Variants in CDH18 observed in about 807,000 individuals in gnomAD.
CDH18 encodes cadherin 18.
CDH18 carries 31 observed loss-of-function variants against 67.9 expected under a neutral mutation model. That is an observed-to-expected ratio of 0.46 (90% CI 0.34 to 0.62). The LOEUF is 0.62. Among genes scored for constraint, CDH18 ranks in the 20% least tolerant of loss-of-function variants. The pLI is 0.01. For missense variants in CDH18, 890 were observed against 975.5 expected (o/e 0.91, Z 1.17); for synonymous variants, 362 against 347.2 (o/e 1.04, Z -0.48).
chr5:20,236,114 G>T (rs1359082154), intron 2 of CDH18, among the ~76,000 whole-genome samples: 1 of 151,960 alleles, frequency 6.6e-6, no homozygotes, highest in African/African-American at 2.4e-5. Context: ...AAATCTACCT[G>T]TTGGGTACTA....
At position 19,550,665 on chromosome 5, in the gene CDH18, C is replaced by G. The variant is rs533007585; in HGVS notation, c.1254-6660G>C. ...CATTTTCTTAATCCAGTCTATCATT[C>G]TTGGACATTTGGGTTGGTTCCAAGT... On this transcript the variant is annotated intron_variant, in intron 8 of 12. Transcript: ENST00000382275. Among the ~76,000 whole-genome samples the G allele has an allele frequency of 2.8e-3, 432 of 152,122 alleles. 3 individuals carry two copies. Among genetic ancestry groups the G allele is most frequent in the African/African-American group, 8.9e-3 (370 of 41,522 alleles).
chr5:19,883,059 A>C (rs1787826419), intron 2 of CDH18, among the ~76,000 whole-genome samples: 1 of 152,180 alleles, frequency 6.6e-6, no homozygotes, highest in African/African-American at 2.4e-5. Flanking sequence ...CTGAAACAGA[A>C]GAAATAATCT....
At chr5:19,776,151 C>A (rs1406110065) in intron 3 of CDH18, among the ~76,000 whole-genome samples, 1 of 151,898 alleles carries the variant, frequency 6.6e-6, no homozygotes, top group African/African-American at 2.4e-5. Flanking sequence ...TTAAGGGGAT[C>A]AAAATTTTAG....
chr5:19,900,562 T>C (rs1221854036), intron 2 of CDH18, among the ~76,000 whole-genome samples: 2 of 152,276 alleles, frequency 1.3e-5, no homozygotes, highest in Admixed American at 6.5e-5. Context: ...TTGCACTTCA[T>C]ACATATGTAC....
intron 7 of CDH18, among the ~76,000 whole-genome samples, chr5:19,580,909 T>C (rs773825773): frequency 5.3e-5 from 8 of 152,086 alleles, no homozygotes; most frequent in Middle Eastern, 3.4e-3. Flanking sequence ...TGGAATATAA[T>C]AAATTCACCA....
chr5:19,612,315 A>G, intron 6 of CDH18, 119 bp downstream of exon 6: 1 of 902,256 alleles, frequency 1.1e-6, no homozygotes, highest in Non-Finnish European at 1.7e-6. Context: ...GTGATCATAT[A>G]GTACAAAAAC....
At chr5:19,808,699 C>T (rs1352997424) in intron 3 of CDH18, among the ~76,000 whole-genome samples, 2 of 151,244 alleles carry the variant, frequency 1.3e-5, no homozygotes, top group East Asian at 2.0e-4. Flanking sequence ...GGCATGGTGG[C>T]GCACACCTGT....
intron 7 of CDH18, among the ~76,000 whole-genome samples, chr5:19,586,773 G>A (rs1744220564): frequency 6.6e-6 from 1 of 152,128 alleles, no homozygotes; most frequent in Admixed American, 6.6e-5. Context: ...AGGTCTTTGA[G>A]GAATTGCCAC....
chr5:20,081,774 C>T (rs954136947), intron 2 of CDH18, among the ~76,000 whole-genome samples: 2 of 152,056 alleles, frequency 1.3e-5, no homozygotes, highest in Non-Finnish European at 2.9e-5. Context: ...AAGGAAACAA[C>T]AGACACTGGG....
At chr5:20,428,259 T>G (rs941645926) in intron 1 of CDH18, among the ~76,000 whole-genome samples, 1 of 151,026 alleles carries the variant, frequency 6.6e-6, no homozygotes, top group Admixed American at 6.6e-5. Context: ...TCCATGTCCC[T>G]GAAAAGGACA....
At chr5:19,767,670 T>A (rs1359058756) in intron 3 of CDH18, among the ~76,000 whole-genome samples, 1 of 151,988 alleles carries the variant, frequency 6.6e-6, no homozygotes, top group African/African-American at 2.4e-5. Flanking sequence ...AAAACAATAT[T>A]GTAGACATCT....
At chr5:19,905,825 T>A (rs918459448) in intron 2 of CDH18, among the ~76,000 whole-genome samples, 1 of 151,828 alleles carries the variant, frequency 6.6e-6, no homozygotes, top group Non-Finnish European at 1.5e-5. Flanking sequence ...TGACAGAGAA[T>A]CAAAGGGAAG....
At chr5:19,640,668 G>A (rs1328136080) in intron 5 of CDH18, among the ~76,000 whole-genome samples, 1 of 151,906 alleles carries the variant, frequency 6.6e-6, no homozygotes. Flanking sequence ...AAACTGTATC[G>A]AAACTTTTGG....
At chr5:20,108,533 T>G (rs1384265310) in intron 2 of CDH18, among the ~76,000 whole-genome samples, 3 of 152,128 alleles carry the variant, frequency 2.0e-5, no homozygotes, top group Non-Finnish European at 1.5e-5. Context: ...ATTTCCCATT[T>G]TTTTTTTCTA....
rs919612866 is a variant in CDH18 at position 19,804,922 on chromosome 5, T to C, written c.228+33837A>G. ...ATAGCCACCTAGGCATAAAATCAGCTATGGAAAAAAATCATTATTATTATT... is the reference window on the plus strand; with the variant it reads ...ATAGCCACCTAGGCATAAAATCAGCCATGGAAAAAAATCATTATTATTATT... On this transcript the variant is annotated intron_variant, in intron 3 of 12. Coordinates refer to ENST00000382275, the MANE Select transcript of CDH18 (RefSeq NM_004934.5). Among the ~76,000 whole-genome samples, 4 of 150,878 alleles carry C rather than the reference T, an allele frequency of 2.7e-5. No individual in the cohort carries two copies. In the South Asian group the frequency reaches 8.4e-4, roughly 32 times the overall value.
At chr5:19,703,472 G>C (rs1254631730) in intron 5 of CDH18, among the ~76,000 whole-genome samples, 1 of 152,102 alleles carries the variant, frequency 6.6e-6, no homozygotes, top group Non-Finnish European at 1.5e-5. Context: ...TAAAGCTAAA[G>C]CGGCAAAGGA....
In CDH18 at chr5:20,192,709, T is replaced by A. The variant is rs138124372; in HGVS notation, c.-518+62735A>T. On this transcript the variant is annotated intron_variant, in intron 2 of 14. Coordinates refer to the CDH18 transcript ENST00000507958. ...GTCTTTCTTCTGCTCCATTGGTCTA[T>A]ATGTCTGTTTTGGTACCAGCACCAT... is the stretch of plus-strand genomic sequence containing the variant. Among the ~76,000 whole-genome samples the A allele has an allele frequency of 8.2e-3, 1,247 of 152,222 alleles. 15 individuals carry two copies. The highest frequency in any genetic ancestry group is 0.029 in the African/African-American group (1,210 of 41,554).
chr5:19,674,633 C>T (rs1158632040), intron 5 of CDH18, among the ~76,000 whole-genome samples: 1 of 152,072 alleles, frequency 6.6e-6, no homozygotes, highest in Non-Finnish European at 1.5e-5. Flanking sequence ...GATGTGTCAA[C>T]TATTAATATG....
chr5:19,737,972 A>G (rs1768575848), intron 4 of CDH18, among the ~76,000 whole-genome samples: 2 of 152,170 alleles, frequency 1.3e-5, no homozygotes, highest in Non-Finnish European at 2.9e-5. Flanking sequence ...CATTCCAGTC[A>G]ATTTATGTAA....
Sources: gnomAD v4.1 joint callset for allele counts (sites outside exome capture counted in the v4.1 genomes callset) on GRCh38, gnomAD v4.1.1 for gene constraint, MANE v1.5 for transcripts, NCBI Gene and HGNC (gene_info 2026-07-23, HGNC 2026-07-21) for gene names.